The following PCDHGA4 variants were observed in gnomAD, a reference collection of about 807,000 sequenced individuals.
PCDHGA4 encodes protocadherin gamma-A4.
A neutral mutation model predicts 54.6 loss-of-function variants in PCDHGA4; 38 were observed. The ratio of observed to expected loss-of-function variants is 0.70; its 90% CI spans 0.54 to 0.91. The LOEUF (loss-of-function observed/expected upper bound fraction) is 0.91, where lower values mean the gene tolerates loss of function less well. Among genes scored for constraint, PCDHGA4 ranks in the 40% least tolerant of loss-of-function variants. PCDHGA4 has a pLI of 0.00. For synonymous variants in PCDHGA4, 511 were observed against 512.9 expected, an observed-to-expected ratio of 1.00 and a Z score of 0.05; for missense variants, 1,298 against 1,220.9, an observed-to-expected ratio of 1.06 and a Z score of -0.94.
chr5:141,476,238 G>C lies in PCDHGA4; in HGVS notation c.2515-18569G>C, dbSNP rs764976894. ...ATTCACTATGAGATCCCGGAGGAAA[G>C]AGAGAAGGGTTTCGCTGTGGGCAAC... On this transcript the variant is annotated intron_variant, in intron 1 of 3. Coordinates refer to ENST00000571252, the MANE Select transcript of PCDHGA4 (RefSeq NM_018917.4). The surrounding 1 kb of genome is among the most constrained non-coding windows in gnomAD (Gnocchi z 7.6). 1 of 1,614,098 alleles carries C rather than the reference G, an allele frequency of 6.2e-7. No individual in the cohort carries two copies.
intron 1 of PCDHGA4, chr5:141,402,801 G>T (rs1218765657): frequency 1.2e-5 from 13 of 1,078,506 alleles, no homozygotes; most frequent in Non-Finnish European, 1.7e-5. Context: ...CACAAAACCC[G>T]GCAGATACCA....
intron 1 of PCDHGA4, chr5:141,370,899 C>T (rs1767293695): frequency 1.2e-6 from 2 of 1,614,010 alleles, no homozygotes. Flanking sequence ...TTCGCTGCAG[C>T]AGTACTACCT....
chr5:141,414,950 T>C (rs1017858929), intron 1 of PCDHGA4: 2 of 1,613,912 alleles, frequency 1.2e-6, no homozygotes, highest in African/African-American at 2.7e-5. Context: ...GGCTACCTGG[T>C]GACCAAGGTG....
At position 141,431,641 on chromosome 5, in the gene PCDHGA4, A is replaced by G. The variant is rs772686680; in HGVS notation, c.2515-63166A>G. ...ACAAGGCGGCCCAAGTTTTCAAACT[A>G]GATTGTAATTCAGGGACAATATCAA... is the stretch of plus-strand genomic sequence containing the variant. On this transcript the variant is annotated intron_variant, in intron 1 of 3. Coordinates refer to ENST00000571252, the MANE Select transcript of PCDHGA4 (RefSeq NM_018917.4). This position sits in a 1 kb window ranked among gnomAD's most constrained non-coding sequence, Gnocchi z 4.8. The G allele has an allele frequency of 6.2e-7, 1 of 1,614,270 alleles. No individual in the cohort carries two copies. Among genetic ancestry groups the G allele is most frequent in the South Asian group, 1.1e-5 (1 of 91,092 alleles).
rs375404779 is a variant in PCDHGA4 at position 141,419,760 on chromosome 5, A to T, written c.2514+62139A>T. 11 of 1,613,876 alleles carry T rather than the reference A, an allele frequency of 6.8e-6. No homozygotes were observed. The highest frequency in any genetic ancestry group is 9.3e-6 in the Non-Finnish European group (11 of 1,179,904). On this transcript the variant is annotated intron_variant, in intron 1 of 3. Coordinates refer to ENST00000571252, the MANE Select transcript of PCDHGA4 (RefSeq NM_018917.4). ...GTGCGCATGGTGCGTGCTTTGGGTG[A>T]CAAGGACTCGGTCCGCCAGCGCCTG...
At chr5:141,380,165 G>C (rs900894194) in intron 1 of PCDHGA4, among the ~76,000 whole-genome samples, 2 of 152,092 alleles carry the variant, frequency 1.3e-5, no homozygotes, top group Non-Finnish European at 2.9e-5. Flanking sequence ...CTCTCAAAGG[G>C]CTGGGATTAC....
intron 1 of PCDHGA4, chr5:141,427,830 C>T (rs749612858): frequency 7.8e-6 from 12 of 1,538,204 alleles, no homozygotes; most frequent in African/African-American, 1.4e-5. Flanking sequence ...GGTCGCGCAG[C>T]GTGCCTTCGA....
rs761347005 is a variant in PCDHGA4, at chr5:141,417,873, G to A, written c.2514+60252G>A. On this transcript the variant is annotated intron_variant, in intron 1 of 3. Coordinates refer to ENST00000571252, the MANE Select transcript of PCDHGA4 (RefSeq NM_018917.4). The stretch of plus-strand genomic sequence containing the variant: ...CCCGAGCGAACGATGGGAGGGAGCT[G>A]CGCGCAGAGGCGCCGGGCCGGCCCG... 4.2e-5 allele frequency: 65 copies of A among 1,555,230 alleles called. 2 individuals are homozygous for A. The Middle Eastern group carries it at 6.4e-3, about 152-fold the overall frequency.
At chr5:141,389,172 C>G (rs1276294939) in intron 1 of PCDHGA4, 1 of 1,614,036 alleles carries the variant, frequency 6.2e-7, no homozygotes, top group Non-Finnish European at 8.5e-7. Flanking sequence ...CAAGCCTCCC[C>G]TCTCCTCCAG....
At position 141,371,773 on chromosome 5, in the gene PCDHGA4, A is replaced by C. The variant is rs148367405; in HGVS notation, c.2514+14152A>C. The C allele has an allele frequency of 2.9e-5, 46 of 1,614,020 alleles. No individual in the cohort carries two copies. In the Middle Eastern group the frequency reaches 6.6e-4, roughly 23 times the overall value. On this transcript the variant is annotated intron_variant, in intron 1 of 3. Coordinates refer to ENST00000571252, the MANE Select transcript of PCDHGA4 (RefSeq NM_018917.4). ...TTCCACCAGGCCTCCTACACCGTGC[A>C]TGTAGCTGAGAACAATCCGCCTGGA...
rs371979287 is a variant in PCDHGA4, at chr5:141,384,185, C to A, written c.2514+26564C>A. On this transcript the variant is annotated intron_variant, in intron 1 of 3. Transcript: ENST00000571252. Reference sequence around the variant, plus strand: ...ACACTGAAAGCCACAGATGGTGGAACTCCTCCCTTGTCCAGGGAAACTCAC... The same window carrying A: ...ACACTGAAAGCCACAGATGGTGGAAATCCTCCCTTGTCCAGGGAAACTCAC... The A allele has an allele frequency of 6.2e-7, 1 of 1,613,718 alleles. No homozygotes were observed. Among genetic ancestry groups the A allele is most frequent in the Non-Finnish European group, 8.5e-7 (1 of 1,179,848 alleles).
chr5:141,372,306 G>A (rs771102617), intron 1 of PCDHGA4: 4 of 1,613,152 alleles, frequency 2.5e-6, no homozygotes, highest in Non-Finnish European at 3.4e-6. Context: ...CAGGGAGGCC[G>A]CCCGCCAGCG....
intron 1 of PCDHGA4, among the ~76,000 whole-genome samples, chr5:141,401,057 A>G (rs1021828194): frequency 1.3e-5 from 2 of 152,170 alleles, no homozygotes; most frequent in Non-Finnish European, 2.9e-5. Flanking sequence ...AAAATACTAT[A>G]TGTTGGCTGG....
chr5:141,434,564 A>C (rs2097703207), intron 1 of PCDHGA4, among the ~76,000 whole-genome samples: 1 of 152,228 alleles, frequency 6.6e-6, no homozygotes, highest in Admixed American at 6.5e-5. Context: ...CCTTAAGGAC[A>C]TGCCCCTGCT....
At position 141,477,532 on chromosome 5, in the gene PCDHGA4, CG is replaced by C; in HGVS notation, c.2515-17271del. 6.2e-7 allele frequency: 1 copy of C among 1,614,146 alleles called. No individual in the cohort carries two copies. The highest frequency in any genetic ancestry group is 8.5e-7 in the Non-Finnish European group (1 of 1,180,028). Reference sequence around the variant, plus strand: ...TTTACATTGAAGAAAACAACCTCCCCGGGGCTCCAATACTAAACCTAAGTGT... The same window carrying C: ...TTTACATTGAAGAAAACAACCTCCCCGGGCTCCAATACTAAACCTAAGTGT... On this transcript the variant is annotated intron_variant, in intron 1 of 3. Transcript: ENST00000571252. This position sits in a 1 kb window ranked among gnomAD's most constrained non-coding sequence, Gnocchi z 4.9.
chr5:141,385,052 G>A (rs559398944), intron 1 of PCDHGA4: 3 of 1,614,152 alleles, frequency 1.9e-6, no homozygotes, highest in Non-Finnish European at 8.5e-7. Context: ...AGGCTGCGGC[G>A]CTGGCACAAG....
chr5:141,505,436 T>C lies in PCDHGA4; in HGVS notation c.2617T>C (p.Phe873Leu). 1.2e-6 allele frequency: 2 copies of C among 1,614,118 alleles called. No homozygotes were observed. The highest frequency in any genetic ancestry group is 1.7e-6 in the Non-Finnish European group (2 of 1,179,998). ...DDTGTWPNNQ[F>L]DTEMLQAMIL... is the part of the protein sequence containing the mutation. ...CACCGGCACCTGGCCCAACAACCAG[T>C]TTGACACAGAGATGCTGCAAGCCAT... Residue 873 changes from phenylalanine (F) to leucine (L), a missense_variant, in exon 3 of 4, where the codon TTT becomes CTT. Phe to Leu is a conservative substitution (Grantham distance 22). Coordinates refer to ENST00000571252, the MANE Select transcript of PCDHGA4 (RefSeq NM_018917.4).
At chr5:141,362,492 C>T (rs369530205) in intron 1 of PCDHGA4, 4 of 1,613,902 alleles carry the variant, frequency 2.5e-6, no homozygotes, top group East Asian at 2.2e-5. Flanking sequence ...GACAATGCCT[C>T]TTGGGAACAA....
chr5:141,384,835 G>A (rs1390926308), intron 1 of PCDHGA4: 2 of 1,613,468 alleles, frequency 1.2e-6, no homozygotes, highest in East Asian at 2.2e-5. Flanking sequence ...CGTGGTGGCC[G>A]TCCAGGACCA....
Sources: allele counts gnomAD v4.1 joint callset (sites outside exome capture counted in the v4.1 genomes callset), GRCh38; gene constraint gnomAD v4.1.1; non-coding constraint Gnocchi (gnomAD v3.1); transcripts MANE v1.5; gene names NCBI Gene and HGNC (gene_info 2026-07-23, HGNC 2026-07-21).